GLTP: variants seen among roughly 807,000 people sequenced by gnomAD.
The protein encoded by GLTP is glycolipid transfer protein.
GLTP carries 22 observed loss-of-function variants against 24.0 expected under a neutral mutation model. The observed-to-expected ratio is 0.92, with a 90% CI of 0.65 to 1.31. The LOEUF is 1.31. Among genes scored for constraint, GLTP ranks in the 50% most tolerant of loss-of-function variants. The probability of loss-of-function intolerance (pLI) is 0.00; values close to 1 mark genes in which losing one functional copy is unlikely to be tolerated. For synonymous variants in GLTP, 92 were observed against 115.9 expected (o/e 0.79, Z 1.33); for missense variants, 224 against 276.6 (o/e 0.81, Z 1.35).
intron 1 of GLTP, among the ~76,000 whole-genome samples, chr12:109,872,089 C>T (rs1308824076): frequency 6.6e-6 from 1 of 152,212 alleles, no homozygotes; most frequent in Non-Finnish European, 1.5e-5. Context: ...ATCCCAGGAC[C>T]GGGTGGGCGG....
intron 1 of GLTP, among the ~76,000 whole-genome samples, chr12:109,864,703 T>C (rs1868472535): frequency 6.6e-6 from 1 of 152,176 alleles, no homozygotes; most frequent in South Asian, 2.1e-4. Context: ...TTAACCTTTC[T>C]GTCTAGAATG....
At chr12:109,875,346 G>A (rs957456514) in intron 1 of GLTP, among the ~76,000 whole-genome samples, 2 of 152,108 alleles carry the variant, frequency 1.3e-5, no homozygotes, top group Admixed American at 1.3e-4. Context: ...GCAGGCAGAG[G>A]GGCTGATGTG....
At position 109,857,485 on chromosome 12, in the gene GLTP, C is replaced by T; in HGVS notation, c.296+41G>A. The stretch of plus-strand genomic sequence containing the variant: ...CAGTGACAGGTTTGCTTTCCCTCCT[C>T]TGCAGCACAGAGCCCAGGCCCTGCC... On this transcript the variant is annotated intron_variant, in intron 3 of 4. Coordinates refer to ENST00000318348, the MANE Select transcript of GLTP (RefSeq NM_016433.4). This position sits in a 1 kb window ranked among gnomAD's most constrained non-coding sequence, Gnocchi z 4.3. 6.2e-7 allele frequency: 1 copy of T among 1,608,842 alleles called. No homozygotes were observed. The highest frequency in any genetic ancestry group is 8.5e-7 in the Non-Finnish European group (1 of 1,177,754).
chr12:109,878,594 ACAAG>A (rs1240794640), intron 1 of GLTP, among the ~76,000 whole-genome samples: 2 of 152,252 alleles, frequency 1.3e-5, no homozygotes, highest in African/African-American at 4.8e-5. Flanking sequence ...CAAAGAGGAA[ACAAG>A]CAAGCAAAAA....
At position 109,867,935 on chromosome 12, in the gene GLTP, G is replaced by A. The variant is rs966713184; in HGVS notation, c.104-9194C>T. 1.6e-4 allele frequency among the ~76,000 whole-genome samples: 24 copies of A among 152,174 alleles called. 1 individual carries two copies. The highest frequency in any genetic ancestry group is 8.5e-4 in the Admixed American group (13 of 15,274). ...TGGGACTACAGGTGCCCGCCACCAC[G>A]CCTGGCTAATTTTTTGTATTTTTAG... is the stretch of plus-strand genomic sequence containing the variant. On this transcript the variant is annotated intron_variant, in intron 1 of 4. Coordinates refer to ENST00000318348, the MANE Select transcript of GLTP (RefSeq NM_016433.4).
chr12:109,857,826 G>T lies in GLTP; in HGVS notation c.163-167C>A. On this transcript the variant is annotated intron_variant, in intron 2 of 4. Coordinates refer to ENST00000318348, the MANE Select transcript of GLTP (RefSeq NM_016433.4). This position sits in a 1 kb window ranked among gnomAD's most constrained non-coding sequence, Gnocchi z 4.3. ...TAACTATGACTGTTCACATGAGCCA[G>T]GATTTGCAAAATGCTTTACAGGCAC... 3 of 693,490 alleles carry T rather than the reference G, an allele frequency of 4.3e-6. No individual in the cohort carries two copies. Among genetic ancestry groups the T allele is most frequent in the Non-Finnish European group, 7.4e-6 (3 of 403,828 alleles). The allele number at this position is 693,490 out of a possible 1,614,324, so 43.0% of individuals were successfully genotyped here.
chr12:109,869,581 G>C (rs370771263), intron 1 of GLTP, among the ~76,000 whole-genome samples: 1 of 146,692 alleles, frequency 6.8e-6, no homozygotes, highest in Non-Finnish European at 1.5e-5. Context: ...TCAGCCTCCC[G>C]AGTATCTGAG....
chr12:109,860,384 A>C (rs942117055), intron 1 of GLTP: 1 of 214,524 alleles, frequency 4.7e-6, no homozygotes, highest in African/African-American at 2.3e-5. Flanking sequence ...TGCCCTCTTA[A>C]TTTGTTCTCG....
chr12:109,851,376 A>G lies in GLTP; in HGVS notation c.*1179T>C, dbSNP rs547791055. 7 of 152,310 alleles carry G rather than the reference A, an allele frequency of 4.6e-5. No homozygotes were observed. The highest frequency in any genetic ancestry group is 6.5e-5 in the Admixed American group (1 of 15,300). The allele number at this position is 152,310 out of a possible 1,614,324, so 9.4% of individuals were successfully genotyped here. On this transcript the variant is annotated 3_prime_UTR_variant, in exon 5 of 5. Transcript: ENST00000318348. Reference sequence around the variant, plus strand: ...AAAACAACAACAACAACAACAAAAAACAACCAGAAAAAAGAAAACAAACAA... The same window carrying G: ...AAAACAACAACAACAACAACAAAAAGCAACCAGAAAAAAGAAAACAAACAA...
chr12:109,857,650 C>G lies in GLTP; in HGVS notation c.172G>C (p.Ala58Pro). Reference sequence around the variant, plus strand: ...TTGGCTGGGTTGGTGTCGTACACAGCTTTGATTTTCTGAAATGGAGCACAC... The same window carrying G: ...TTGGCTGGGTTGGTGTCGTACACAGGTTTGATTTTCTGAAATGGAGCACAC... ...DISGNITKIK[A>P]VYDTNPAKFR... Residue 58 changes from alanine (A) to proline (P), a missense_variant, in exon 3 of 5, where the codon GCT becomes CCT. Transcript: ENST00000318348. This position sits in a 1 kb window ranked among gnomAD's most constrained non-coding sequence, Gnocchi z 4.3. 1 of 1,614,168 alleles carries G rather than the reference C, an allele frequency of 6.2e-7. No individual in the cohort carries two copies. Among genetic ancestry groups the G allele is most frequent in the Non-Finnish European group, 8.5e-7 (1 of 1,180,020 alleles).
intron 1 of GLTP, among the ~76,000 whole-genome samples, chr12:109,865,645 G>A (rs1868502861): frequency 6.6e-6 from 1 of 151,632 alleles, no homozygotes; most frequent in East Asian, 2.0e-4. Context: ...TTTTGCCCAG[G>A]CCAGTCTCCA....
At chr12:109,879,003 A>G (rs1291593092) in intron 1 of GLTP, among the ~76,000 whole-genome samples, 1 of 152,062 alleles carries the variant, frequency 6.6e-6, no homozygotes, top group Non-Finnish European at 1.5e-5. Context: ...CTTTACACAC[A>G]CCACCTCATC....
At chr12:109,862,421 A>G (rs1197123350) in intron 1 of GLTP, among the ~76,000 whole-genome samples, 1 of 152,264 alleles carries the variant, frequency 6.6e-6, no homozygotes, top group East Asian at 1.9e-4. Flanking sequence ...CGGAGCCAAG[A>G]TCCTCTTTCC....
chr12:109,876,273 G>A lies in GLTP; in HGVS notation c.103+3999C>T, dbSNP rs56692235. On this transcript the variant is annotated intron_variant, in intron 1 of 4. Transcript: ENST00000318348. Reference sequence around the variant, plus strand: ...CATGAGGATCACTTGAACCCAGGAGGTGGAGGTTGCTATGAGCCGAGATCA... The same window carrying A: ...CATGAGGATCACTTGAACCCAGGAGATGGAGGTTGCTATGAGCCGAGATCA... Among the ~76,000 whole-genome samples the A allele has an allele frequency of 5.5e-3, 835 of 152,150 alleles. 7 individuals are homozygous for A. The highest frequency in any genetic ancestry group is 0.019 in the African/African-American group (801 of 41,504).
At chr12:109,877,582 C>T (rs1022845871) in intron 1 of GLTP, among the ~76,000 whole-genome samples, 1 of 152,112 alleles carries the variant, frequency 6.6e-6, no homozygotes. Context: ...GACAGCCCCA[C>T]CACCACAAAG....
intron 1 of GLTP, among the ~76,000 whole-genome samples, chr12:109,875,056 C>A (rs937554609): frequency 6.6e-6 from 1 of 152,160 alleles, no homozygotes; most frequent in Non-Finnish European, 1.5e-5. Context: ...AGCCACCATG[C>A]CTGGCCTACT....
At chr12:109,853,137 A>C (rs1189362459) in intron 4 of GLTP, among the ~76,000 whole-genome samples, 3 of 152,236 alleles carry the variant, frequency 2.0e-5, no homozygotes, top group South Asian at 2.1e-4. Flanking sequence ...ACTCAGCACA[A>C]CACCAGGCAC....
At chr12:109,868,058 T>C (rs577023136) in intron 1 of GLTP, among the ~76,000 whole-genome samples, 16 of 152,318 alleles carry the variant, frequency 1.1e-4, no homozygotes, top group Admixed American at 3.3e-4. Context: ...ATTACAGGCG[T>C]GAGCCACCGC....
intron 1 of GLTP, among the ~76,000 whole-genome samples, chr12:109,877,119 A>G (rs1015548449): frequency 1.3e-5 from 2 of 152,204 alleles, no homozygotes; most frequent in African/African-American, 4.8e-5. Flanking sequence ...CTCCCAAAGT[A>G]CTGGGATTAC....
Sources: allele counts gnomAD v4.1 joint callset (sites outside exome capture counted in the v4.1 genomes callset), GRCh38; gene constraint gnomAD v4.1.1; non-coding constraint Gnocchi (gnomAD v3.1); transcripts MANE v1.5; gene names NCBI Gene and HGNC (gene_info 2026-07-23, HGNC 2026-07-21).